Variants in SLC60A2 observed in about 807,000 individuals in gnomAD.
SLC60A2 encodes major facilitator superfamily domain containing 4B.
the SLC60A2 span, among the ~76,000 whole-genome samples, chr6:111,279,724 T>G: frequency 1.3e-5 from 2 of 152,152 alleles, no homozygotes; most frequent in African/African-American, 2.4e-5. Context: ...CAATTTTGAT[T>G]TGGGGGGCTT....
the SLC60A2 span, among the ~76,000 whole-genome samples, chr6:111,263,026 C>G: frequency 5.3e-5 from 8 of 152,270 alleles, no homozygotes; most frequent in Middle Eastern, 0.01. Flanking sequence ...CAACCTCCCC[C>G]TCCTGGGCTC....
the SLC60A2 span, among the ~76,000 whole-genome samples, chr6:111,273,658 C>A: frequency 1.3e-5 from 2 of 152,120 alleles, no homozygotes; most frequent in Non-Finnish European, 2.9e-5. Flanking sequence ...TCTAGATGAT[C>A]TGTCCAGTGC....
chr6:111,263,967 C>A, the SLC60A2 span: 2 of 1,244,962 alleles, frequency 1.6e-6, no homozygotes, highest in Non-Finnish European at 2.4e-6. Context: ...TCTTCAACGT[C>A]ATCTCTGGGA....
At chr6:111,274,676 A>G in the SLC60A2 span, among the ~76,000 whole-genome samples, 3 of 152,148 alleles carry the variant, frequency 2.0e-5, no homozygotes, top group Non-Finnish European at 4.4e-5. Context: ...TTGTGTATCT[A>G]TAACACTAGT....
the SLC60A2 span, among the ~76,000 whole-genome samples, chr6:111,279,800 C>T: frequency 1.3e-4 from 19 of 151,734 alleles, no homozygotes; most frequent in African/African-American, 4.1e-4. Flanking sequence ...CTAGGCTGGG[C>T]GTGGTGGCTC....
the SLC60A2 span, among the ~76,000 whole-genome samples, chr6:111,274,436 G>C: frequency 3.3e-5 from 5 of 152,026 alleles, no homozygotes; most frequent in African/African-American, 1.2e-4. Context: ...TTGGGTAATG[G>C]GGTTTTTTGT....
At chr6:111,265,153 C>G in the SLC60A2 span, 1 of 372,134 alleles carries the variant, frequency 2.7e-6, no homozygotes, top group Non-Finnish European at 3.7e-6. Flanking sequence ...CTACCCCTCC[C>G]TTCCCTGCTT....
chr6:111,276,162 T>A, the SLC60A2 span, among the ~76,000 whole-genome samples: 2 of 152,254 alleles, frequency 1.3e-5, no homozygotes, highest in Non-Finnish European at 2.9e-5. Flanking sequence ...ATATTTTGTT[T>A]ATTCATCTGT....
the SLC60A2 span, chr6:111,269,473 T>C: frequency 6.6e-6 from 1 of 152,290 alleles, no homozygotes. Flanking sequence ...GTGTTGAGAT[T>C]ACAGGCATGA....
the SLC60A2 span, chr6:111,278,080 C>CA: frequency 1.3e-5 from 2 of 152,272 alleles, no homozygotes; most frequent in South Asian, 4.1e-4. Flanking sequence ...AAGAAATACT[C>CA]AGAGACAGAA....
At chr6:111,265,438 G>A in the SLC60A2 span, 4 of 977,442 alleles carry the variant, frequency 4.1e-6, no homozygotes, top group African/African-American at 7.0e-5. Context: ...ACATACATAA[G>A]TAAGTAATTT....
chr6:111,269,084 C>T, the SLC60A2 span: 1 of 152,198 alleles, frequency 6.6e-6, no homozygotes, highest in African/African-American at 2.4e-5. Context: ...TTGACCACTG[C>T]CCGCCCATTC....
the SLC60A2 span, among the ~76,000 whole-genome samples, chr6:111,274,313 T>TA: frequency 6.6e-6 from 1 of 152,240 alleles, no homozygotes; most frequent in Non-Finnish European, 1.5e-5. Context: ...TAAGCATAGC[T>TA]ATTCTTGCCT....
At chr6:111,268,533 A>G in the SLC60A2 span, 2 of 152,194 alleles carry the variant, frequency 1.3e-5, no homozygotes, top group African/African-American at 4.8e-5. Flanking sequence ...TCTATGTTCA[A>G]GTGGAATTTG....
chr6:111,275,109 G>T, the SLC60A2 span, among the ~76,000 whole-genome samples: 1 of 148,720 alleles, frequency 6.7e-6, no homozygotes. Flanking sequence ...TTCAGAGACA[G>T]GGTCTCATTT....
the SLC60A2 span, chr6:111,266,783 A>G: frequency 1.2e-6 from 2 of 1,614,114 alleles, no homozygotes; most frequent in Non-Finnish European, 1.7e-6. Flanking sequence ...TATATAAATT[A>G]GCCACTTCAC....
chr6:111,266,305 A>G, the SLC60A2 span: 2 of 1,614,054 alleles, frequency 1.2e-6, no homozygotes, highest in Admixed American at 1.7e-5. Context: ...GAGGTAACAT[A>G]TGGCTCTTAT....
At chr6:111,267,113 C>T in the SLC60A2 span, 2,087 of 1,601,776 alleles carry the variant, frequency 1.3e-3, 35 homozygotes, top group Admixed American at 0.028. Context: ...AAGGGACTAA[C>T]GTTTAGAGAA....
At chr6:111,263,893 TACTC>T in the SLC60A2 span, 4 of 1,612,390 alleles carry the variant, frequency 2.5e-6, no homozygotes, top group Non-Finnish European at 3.4e-6. Flanking sequence ...ACAGCAATAT[TACTC>T]ACTGTCATGA....
Sources: gnomAD v4.1 joint callset for allele counts (sites outside exome capture counted in the v4.1 genomes callset) on GRCh38, gnomAD v4.1.1 for gene constraint, MANE v1.5 for transcripts, NCBI Gene and HGNC (gene_info 2026-07-23, HGNC 2026-07-21) for gene names.